Variants in TMX3 observed in about 807,000 individuals in gnomAD.
TMX3 encodes the protein protein disulfide-isomerase TMX3.
Under a neutral mutation model 64.4 loss-of-function variants are expected in TMX3, and 40 were observed. The observed-to-expected ratio is 0.62, with a 90% confidence interval of 0.48 to 0.81. TMX3 has a LOEUF of 0.81. Ranked by LOEUF, TMX3 falls within the 30% of genes least tolerant of loss-of-function variation. TMX3 has a pLI of 0.00. For synonymous variants in TMX3, 189 were observed against 175.7 expected, an observed-to-expected ratio of 1.08 and a Z score of -0.60; for missense variants, 497 against 534.5, an observed-to-expected ratio of 0.93 and a Z score of 0.69.
chr18:68,684,716 TAAATAA>T (rs1322371762), intron 10 of TMX3, among the ~76,000 whole-genome samples: 1 of 152,126 alleles, frequency 6.6e-6, no homozygotes, highest in Non-Finnish European at 1.5e-5. Context: ...CCCCAAAATA[TAAATAA>T]GAGTAAATAT....
intron 14 of TMX3, among the ~76,000 whole-genome samples, chr18:68,680,737 C>T (rs1005382379): frequency 2.6e-5 from 4 of 152,046 alleles, no homozygotes; most frequent in Non-Finnish European, 4.4e-5. Context: ...CCAAAAATAC[C>T]CTCCAAATAA....
At position 68,676,368 on chromosome 18, in the gene TMX3, T is replaced by C. The variant is rs747003143; in HGVS notation, c.*565A>G. The C allele has an allele frequency of 2.0e-5, 3 of 152,196 alleles. No homozygotes were observed. Among genetic ancestry groups the C allele is most frequent in the African/African-American group, 7.2e-5 (3 of 41,440 alleles). The allele number at this position is 152,196 out of a possible 1,614,324, so 9.4% of individuals were successfully genotyped here. On this transcript the variant is annotated 3_prime_UTR_variant, in exon 16 of 16. Transcript: ENST00000299608. The stretch of plus-strand genomic sequence containing the variant: ...CTGAGTATAAAGTTAAAAAGTAACA[T>C]TTCTTCTCCTTTAAAAATAACTAAC...
chr18:68,703,488 C>T (rs376964916), intron 4 of TMX3, among the ~76,000 whole-genome samples: 23 of 152,278 alleles, frequency 1.5e-4, no homozygotes, highest in African/African-American at 5.3e-4. Flanking sequence ...CCACACTTAA[C>T]CCTATTACAT....
At chr18:68,703,260 A>G (rs1489659213) in intron 4 of TMX3, among the ~76,000 whole-genome samples, 1 of 152,266 alleles carries the variant, frequency 6.6e-6, no homozygotes, top group East Asian at 1.9e-4. Context: ...CTCATTTTAA[A>G]AAACTGTCAA....
chr18:68,699,978 G>T (rs1003304911), intron 6 of TMX3, among the ~76,000 whole-genome samples: 2 of 152,074 alleles, frequency 1.3e-5, no homozygotes, highest in Admixed American at 6.5e-5. Flanking sequence ...ATACATTTTC[G>T]AGTATCAAAG....
chr18:68,680,686 C>T (rs776849769), intron 14 of TMX3, among the ~76,000 whole-genome samples: 50 of 152,130 alleles, frequency 3.3e-4, no homozygotes, highest in Non-Finnish European at 6.9e-4. Flanking sequence ...CATCCCTAAG[C>T]CTCAACCTTA....
Position 68,677,183 on chromosome 18 carries a change from T to C in TMX3, c.1115A>G (p.Lys372Arg). The C allele has an allele frequency of 6.2e-6, 10 of 1,613,314 alleles. No homozygotes were observed. Among genetic ancestry groups the C allele is most frequent in the Non-Finnish European group, 8.5e-6 (10 of 1,179,528 alleles). ...AAAGCAGCCCATCAGTGGTGAGCTC[T>C]TGAATATAGACTGTGGAAAGAGAAT... ...DAKSTIVSIF[K>R]SSPLMGCFLF... Residue 372 changes from lysine (K) to arginine (R), a missense_variant, in exon 16 of 16, where the codon AAG (lysine) becomes AGG (arginine). Coordinates refer to ENST00000299608, the MANE Select transcript of TMX3 (RefSeq NM_019022.5).
intron 4 of TMX3, chr18:68,706,445 GAAATA>G (rs2030676364): frequency 1.3e-5 from 2 of 152,024 alleles, no homozygotes; most frequent in Admixed American, 6.6e-5. Context: ...TAAAATAAAA[GAAATA>G]AAATAAATAA....
intron 4 of TMX3, among the ~76,000 whole-genome samples, chr18:68,704,345 A>G (rs2030441343): frequency 6.6e-6 from 1 of 152,236 alleles, no homozygotes; most frequent in Non-Finnish European, 1.5e-5. Flanking sequence ...ACTAGTGGCA[A>G]TTCAGATTAA....
chr18:68,692,254 ATTTTTCAACAT>A (rs1471120628), intron 8 of TMX3, among the ~76,000 whole-genome samples: 1 of 152,094 alleles, frequency 6.6e-6, no homozygotes, highest in Non-Finnish European at 1.5e-5. Flanking sequence ...CTTGGGAAGT[ATTTTTCAACAT>A]TCAGCACCTC....
chr18:68,704,558 CATTG>C (rs1435639163), intron 4 of TMX3, among the ~76,000 whole-genome samples: 2 of 152,146 alleles, frequency 1.3e-5, no homozygotes, highest in Non-Finnish European at 2.9e-5. Flanking sequence ...TGAGAGCAAA[CATTG>C]ATTAGGTAGC....
chr18:68,710,376 G>A (rs983722542), intron 3 of TMX3, among the ~76,000 whole-genome samples: 2 of 152,046 alleles, frequency 1.3e-5, no homozygotes, highest in African/African-American at 2.4e-5. Flanking sequence ...CATTTTAATT[G>A]ACTACTGATT....
intron 4 of TMX3, among the ~76,000 whole-genome samples, chr18:68,702,850 C>A (rs534767004): frequency 3.3e-5 from 5 of 152,192 alleles, no homozygotes; most frequent in South Asian, 2.1e-4. Flanking sequence ...TGAAAATATC[C>A]AAAATTTTTC....
chr18:68,703,787 G>A lies in TMX3; in HGVS notation c.266-1997C>T, dbSNP rs570676790. Among the ~76,000 whole-genome samples, 103 of 152,062 alleles carry A rather than the reference G, an allele frequency of 6.8e-4. 4 individuals are homozygous for A. The highest frequency in any genetic ancestry group is 6.2e-4 in the South Asian group (3 of 4,808). On this transcript the variant is annotated intron_variant, in intron 4 of 15. Transcript: ENST00000299608. ...CTACTAAAACTACAAAAAATTAGTC[G>A]CGCGCGGTGGCGGGTGCCTGTAGTC...
At chr18:68,695,401 A>C (rs1914962628) in intron 8 of TMX3, among the ~76,000 whole-genome samples, 1 of 152,148 alleles carries the variant, frequency 6.6e-6, no homozygotes, top group Admixed American at 6.5e-5. Context: ...TCTTTTACAT[A>C]GCCTTGACTT....
At chr18:68,683,974 A>C (rs1281274799) in intron 12 of TMX3, among the ~76,000 whole-genome samples, 1 of 152,164 alleles carries the variant, frequency 6.6e-6, no homozygotes, top group Non-Finnish European at 1.5e-5. Context: ...GTACAGACAA[A>C]ATTATAGTAT....
At chr18:68,697,849 T>A in intron 7 of TMX3, 83 bp downstream of exon 7, 1 of 831,700 alleles carries the variant, frequency 1.2e-6, no homozygotes, top group Non-Finnish European at 1.9e-6. Flanking sequence ...GAGTAATAAG[T>A]TCTGCGTTTC....
Position 68,680,938 on chromosome 18 carries a change from C to A in TMX3, c.1035+43G>T, listed in dbSNP as rs367834664. 5.0e-5 allele frequency: 75 copies of A among 1,510,384 alleles called. 3 individuals carry two copies. The highest frequency in any genetic ancestry group is 3.4e-4 in the East Asian group (14 of 41,560). The allele number at this position is 1,510,384 out of a possible 1,614,324, so 93.6% of individuals were successfully genotyped here. ...AAGAAATGAACTAGTTTCTCCTCTA[C>A]CCCCTGTCCATCATCTCTTTGAAAC... On this transcript the variant is annotated intron_variant, in intron 14 of 15. Coordinates refer to ENST00000299608, the MANE Select transcript of TMX3 (RefSeq NM_019022.5).
chr18:68,710,503 C>T (rs574094294), intron 3 of TMX3, among the ~76,000 whole-genome samples: 2 of 152,070 alleles, frequency 1.3e-5, no homozygotes, highest in African/African-American at 2.4e-5. Context: ...ACATACACAC[C>T]TAATTGTTAA....
Sources: gnomAD v4.1 joint callset for allele counts (sites outside exome capture counted in the v4.1 genomes callset) on GRCh38, gnomAD v4.1.1 for gene constraint, MANE v1.5 for transcripts, NCBI Gene and HGNC (gene_info 2026-07-23, HGNC 2026-07-21) for gene names.